C7: variants seen among roughly 807,000 people sequenced by gnomAD.
C7 encodes the protein complement component C7.
C7 carries 83 observed loss-of-function variants against 104.8 expected under a neutral mutation model. The ratio of observed to expected loss-of-function variants is 0.79; its 90% CI spans 0.66 to 0.95. The LOEUF (loss-of-function observed/expected upper bound fraction) is 0.95. Ranked by LOEUF, C7 falls within the 40% of genes least tolerant of loss-of-function variation. The pLI, the probability that C7 is intolerant of heterozygous loss-of-function variation, is 0.00. For synonymous variants in C7, 415 were observed against 360.6 expected (o/e 1.15, Z -1.71); for missense variants, 1,070 against 1,011.2 (o/e 1.06, Z -0.79).
At chr5:40,923,546 G>C (rs1739486288) in intron 1 of C7, among the ~76,000 whole-genome samples, 1 of 152,210 alleles carries the variant, frequency 6.6e-6, no homozygotes, top group Non-Finnish European at 1.5e-5. Context: ...AGGAGTTAAA[G>C]ACCAGCCTGG....
intron 9 of C7, among the ~76,000 whole-genome samples, chr5:40,954,714 T>C (rs968204342): frequency 2.0e-5 from 3 of 151,118 alleles, no homozygotes; most frequent in African/African-American, 7.3e-5. Flanking sequence ...TGAAACCCCA[T>C]CTCTACTAAA....
In C7 at chr5:40,976,787, C is replaced by T; in HGVS notation, c.2112C>T (p.Arg704=). The change falls in exon 16 of 18, where the codon CGC becomes CGT. Residue 704 remains arginine, a synonymous_variant. Coordinates refer to ENST00000313164, the MANE Select transcript of C7 (RefSeq NM_000587.4). ...PLTQAVPKCQ[R]WEKLQNSRCV... Reference sequence around the variant, plus strand: ...CACAGGCAGTGCCTAAATGTCAGCGCTGGGAGAAACTGCAGAATTCAAGAT... The same window carrying T: ...CACAGGCAGTGCCTAAATGTCAGCGTTGGGAGAAACTGCAGAATTCAAGAT... 1 of 1,606,548 alleles carries T rather than the reference C, an allele frequency of 6.2e-7. No homozygotes were observed. Among genetic ancestry groups the T allele is most frequent in the Non-Finnish European group, 8.5e-7 (1 of 1,176,240 alleles).
At chr5:40,978,432 C>G (rs983729713) in intron 16 of C7, among the ~76,000 whole-genome samples, 26 of 152,108 alleles carry the variant, frequency 1.7e-4, no homozygotes, top group African/African-American at 5.8e-4. Flanking sequence ...TTTAGTTGAT[C>G]TGCAGCTCGT....
rs1359084962 is a variant in C7, at chr5:40,937,550, A to G, written c.429-2A>G. ...TCCTTCTCCTCCTCCTCCTTTTAACAGTTACAATGAACTCACTGGCCAGTT... is the reference window on the plus strand; with the variant it reads ...TCCTTCTCCTCCTCCTCCTTTTAACGGTTACAATGAACTCACTGGCCAGTT... On this transcript the variant is annotated splice_acceptor_variant, in intron 5 of 17. Transcript: ENST00000313164. LOFTEE classifies it high-confidence loss of function. 1.3e-6 allele frequency: 2 copies of G among 1,597,048 alleles called. No individual in the cohort carries two copies. The highest frequency in any genetic ancestry group is 1.3e-5 in the African/African-American group (1 of 74,164).
At chr5:40,969,641 C>T (rs1740647642) in intron 14 of C7, among the ~76,000 whole-genome samples, 2 of 152,014 alleles carry the variant, frequency 1.3e-5, no homozygotes, top group Non-Finnish European at 2.9e-5. Flanking sequence ...TCTACCTGGC[C>T]CCTTCTTTTT....
At chr5:40,951,067 A>T (rs1303931647) in intron 9 of C7, among the ~76,000 whole-genome samples, 2 of 152,204 alleles carry the variant, frequency 1.3e-5, no homozygotes, top group East Asian at 3.9e-4. Flanking sequence ...ATTTGGCAGG[A>T]TTAAAAAACA....
chr5:40,958,313 A>T, intron 11 of C7, 52 bp downstream of exon 11: 1 of 1,129,582 alleles, frequency 8.9e-7, no homozygotes, highest in Non-Finnish European at 1.2e-6. Flanking sequence ...AAAGGGAATT[A>T]CCCTGTTTCT....
Position 40,936,355 on chromosome 5 carries a change from T to A in C7, c.298T>A (p.Ser100Thr), listed in dbSNP as rs778166057. 2 of 1,613,280 alleles carry A rather than the reference T, an allele frequency of 1.2e-6. No homozygotes were observed. The highest frequency in any genetic ancestry group is 1.1e-5 in the South Asian group (1 of 91,060). Reference sequence around the variant, plus strand: ...GTGTTCAGGTCAGTGCATCAGCAAATCATTGGTTTGCAATGGGGATTCTGA... The same window carrying A: ...GTGTTCAGGTCAGTGCATCAGCAAAACATTGGTTTGCAATGGGGATTCTGA... ...RCFSGQCISK[S>T]LVCNGDSDCD... Residue 100 changes from serine (S) to threonine (T), a missense_variant, in exon 5 of 18, where the codon TCA becomes ACA. Physicochemically the swap from Ser to Thr is moderately conservative, Grantham distance 58 (BLOSUM62 1). Transcript: ENST00000313164.
intron 1 of C7, among the ~76,000 whole-genome samples, chr5:40,914,651 G>C (rs10043425): frequency 6.6e-6 from 1 of 152,112 alleles, no homozygotes. Flanking sequence ...TAAGGTGAGA[G>C]ACAGGAGGAC....
chr5:40,932,150 T>TA (rs1373677362), intron 3 of C7, among the ~76,000 whole-genome samples: 2 of 152,132 alleles, frequency 1.3e-5, no homozygotes, highest in African/African-American at 4.8e-5. Context: ...TGCTTATAAT[T>TA]AAAAAAATTG....
intron 10 of C7, among the ~76,000 whole-genome samples, chr5:40,956,679 A>G (rs1351447770): frequency 6.6e-6 from 1 of 152,288 alleles, no homozygotes. Context: ...TGTTCCAGGC[A>G]AAGCCTGATT....
Position 40,958,015 on chromosome 5 carries a change from A to T in C7, c.1261-18A>T. On this transcript the variant is annotated intron_variant, in intron 10 of 17. Transcript: ENST00000313164. ...CCTAAATCCCTGATTACTGACTATA[A>T]TGTCTTTATCTCTATAGCTGACACC... The T allele has an allele frequency of 8.9e-6, 14 of 1,564,672 alleles. No homozygotes were observed. The highest frequency in any genetic ancestry group is 1.2e-5 in the Non-Finnish European group (14 of 1,144,466).
chr5:40,925,390 T>G (rs899703314), intron 1 of C7, among the ~76,000 whole-genome samples: 4 of 152,226 alleles, frequency 2.6e-5, no homozygotes, highest in African/African-American at 9.6e-5. Context: ...ATCTGAGACT[T>G]CATCAGCCTG....
At chr5:40,912,543 T>A (rs1304648262) in intron 1 of C7, among the ~76,000 whole-genome samples, 1 of 144,520 alleles carries the variant, frequency 6.9e-6, no homozygotes, top group Non-Finnish European at 1.5e-5. Flanking sequence ...CATGCCTGGC[T>A]AATTTTTGTA....
intron 11 of C7, among the ~76,000 whole-genome samples, 200 bp from the exon 12 acceptor site, chr5:40,959,249 A>G (rs921932653): frequency 1.3e-5 from 2 of 152,246 alleles, no homozygotes; most frequent in Non-Finnish European, 1.5e-5. Flanking sequence ...CAAGAGGTTC[A>G]CTAATGCAAC....
rs201282493 is a variant in C7, at chr5:40,959,594, C to T, written c.1635C>T (p.Cys545=). 255 of 1,603,374 alleles carry T rather than the reference C, an allele frequency of 1.6e-4. No homozygotes were observed. In the Admixed American group the frequency reaches 3.7e-3, roughly 23 times the overall value. ...CVGETTESTQ[C]EDEELEHLRL... ...GAGAAACGACAGAAAGCACACAATG[C>T]GAAGATGAGGAGCTGGAGCACTTGA... is the stretch of plus-strand genomic sequence containing the variant. The change falls in exon 12 of 18, where the codon TGC becomes TGT. Residue 545 remains cysteine (C), a synonymous_variant. Transcript: ENST00000313164.
chr5:40,949,932 T>G lies in C7; in HGVS notation c.1011T>G (p.Cys337Trp). 1 of 1,596,810 alleles carries G rather than the reference T, an allele frequency of 6.3e-7. No homozygotes were observed. Among genetic ancestry groups the G allele is most frequent in the Non-Finnish European group, 8.5e-7 (1 of 1,170,204 alleles). Residue 337 changes from cysteine (C) to tryptophan (W), a missense_variant, in exon 9 of 18, where the codon TGT becomes TGG. Coordinates refer to ENST00000313164, the MANE Select transcript of C7 (RefSeq NM_000587.4). ...TTAATTCAGTCGAAGAAAAGAAATG[T>G]AAATCCTCAGGTTGGCATTTTGTCG... ...NDFNSVEEKK[C>W]KSSGWHFVVK...
Position 40,959,425 on chromosome 5 carries a change from A to T in C7, c.1490-24A>T, listed in dbSNP as rs1430851706. 5.0e-6 allele frequency: 8 copies of T among 1,598,982 alleles called. No homozygotes were observed. In the African/African-American group the frequency reaches 8.0e-5, roughly 16 times the overall value. ...CCAAGCCCTCTTTAAGAACTTATTGATCAACCTCTTTCTCATCTTGTAGGA... is the reference window on the plus strand; with the variant it reads ...CCAAGCCCTCTTTAAGAACTTATTGTTCAACCTCTTTCTCATCTTGTAGGA... On this transcript the variant is annotated intron_variant, in intron 11 of 17. Coordinates refer to ENST00000313164, the MANE Select transcript of C7 (RefSeq NM_000587.4).
intron 1 of C7, among the ~76,000 whole-genome samples, chr5:40,926,161 A>G (rs1029036348): frequency 2.6e-5 from 4 of 152,270 alleles, no homozygotes; most frequent in Non-Finnish European, 5.9e-5. Flanking sequence ...CAAAAACTAT[A>G]TGATCATCTT....
Sources: allele counts gnomAD v4.1 joint callset (sites outside exome capture counted in the v4.1 genomes callset), GRCh38; gene constraint gnomAD v4.1.1; transcripts MANE v1.5; gene names NCBI Gene and HGNC (gene_info 2026-07-23, HGNC 2026-07-21).